CREB3L2: variants seen among roughly 807,000 people sequenced by gnomAD.
The protein encoded by CREB3L2 is cAMP responsive element binding protein 3 like 2.
A neutral mutation model predicts 57.2 loss-of-function variants in CREB3L2; 23 were observed. The observed-to-expected ratio is 0.40, with a 90% CI of 0.29 to 0.57. CREB3L2 has a LOEUF of 0.57. CREB3L2 is among the 20% of genes least tolerant of loss of function. CREB3L2 has a pLI of 0.42. For missense variants in CREB3L2, 628 were observed against 634.7 expected (o/e 0.99, Z 0.11); for synonymous variants, 268 against 265.1 (o/e 1.01, Z -0.11).
chr7:137,915,803 C>T, intron 3 of CREB3L2, 34 bp downstream of exon 3: 1 of 1,583,782 alleles, frequency 6.3e-7, no homozygotes, highest in Non-Finnish European at 8.6e-7. Context: ...ATCTTTTAAT[C>T]CAACCTGTTT....
chr7:137,920,980 A>G (rs1563252661), intron 2 of CREB3L2, among the ~76,000 whole-genome samples: 1 of 152,210 alleles, frequency 6.6e-6, no homozygotes, highest in Non-Finnish European at 1.5e-5. Flanking sequence ...ATGTATCACA[A>G]TGTTTCTCCA....
intron 1 of CREB3L2, 135 bp from the exon 2 acceptor site, chr7:137,928,501 G>T: frequency 1.4e-6 from 1 of 728,024 alleles, no homozygotes; most frequent in Non-Finnish European, 2.4e-6. Context: ...GTTAGCTCGT[G>T]CTGTGTAGCA....
At chr7:137,939,581 T>C (rs1800847875) in intron 1 of CREB3L2, among the ~76,000 whole-genome samples, 1 of 152,148 alleles carries the variant, frequency 6.6e-6, no homozygotes, top group Admixed American at 6.5e-5. Context: ...CTCTTGCCCC[T>C]TCCTTCTGCC....
intron 1 of CREB3L2, among the ~76,000 whole-genome samples, chr7:137,984,564 G>T (rs1476863418): frequency 6.6e-6 from 1 of 152,230 alleles, no homozygotes; most frequent in Admixed American, 6.5e-5. Flanking sequence ...GCTCAGGACT[G>T]CTTGGTTCAT....
chr7:137,905,064 G>A (rs1256691721), intron 6 of CREB3L2, among the ~76,000 whole-genome samples: 1 of 151,776 alleles, frequency 6.6e-6, no homozygotes, highest in Non-Finnish European at 1.5e-5. Context: ...CTAAGCTCTT[G>A]TCTTCCTTCC....
intron 5 of CREB3L2, among the ~76,000 whole-genome samples, chr7:137,907,734 G>A (rs375198182): frequency 2.8e-4 from 42 of 152,302 alleles, no homozygotes; most frequent in African/African-American, 8.7e-4. Flanking sequence ...AGGGATGAAC[G>A]AGGGGTCTTG....
intron 11 of CREB3L2, among the ~76,000 whole-genome samples, chr7:137,881,708 T>A (rs1799295874): frequency 2.0e-5 from 3 of 152,148 alleles, no homozygotes; most frequent in Admixed American, 2.0e-4. Context: ...ACCAACCATG[T>A]CACACGTAAC....
In CREB3L2 at chr7:137,991,804, A is replaced by G. The variant is rs528341135; in HGVS notation, c.102+9800T>C. Reference sequence around the variant, plus strand: ...GCACCTGTAATCCCAGCTACTCGGGAGACTGAGGCACAAGAATCACTTGAT... The same window carrying G: ...GCACCTGTAATCCCAGCTACTCGGGGGACTGAGGCACAAGAATCACTTGAT... On this transcript the variant is annotated intron_variant, in intron 1 of 11. Transcript: ENST00000330387. Among the ~76,000 whole-genome samples, 19 of 151,922 alleles carry G rather than the reference A, an allele frequency of 1.3e-4. No homozygotes were observed. The East Asian group carries it at 3.5e-3, about 28-fold the overall frequency.
At chr7:137,937,525 G>A (rs922607941) in intron 1 of CREB3L2, among the ~76,000 whole-genome samples, 1 of 152,052 alleles carries the variant, frequency 6.6e-6, no homozygotes, top group Non-Finnish European at 1.5e-5. Flanking sequence ...TGCCAACCAT[G>A]AGGAAAAAGG....
intron 1 of CREB3L2, among the ~76,000 whole-genome samples, chr7:137,965,339 AC>A (rs1801391459): frequency 6.6e-6 from 1 of 152,014 alleles, no homozygotes; most frequent in South Asian, 2.1e-4. Flanking sequence ...ATATATTTAC[AC>A]TCGTTGAGGA....
chr7:137,971,465 A>AT (rs397958453), intron 1 of CREB3L2, among the ~76,000 whole-genome samples: 55 of 150,936 alleles, frequency 3.6e-4, no homozygotes, highest in African/African-American at 1.0e-3. Context: ...AAAAAAAAAA[A>AT]TTTTGGATGG....
intron 3 of CREB3L2, 43 bp downstream of exon 3, chr7:137,915,794 T>A: frequency 6.5e-7 from 1 of 1,545,986 alleles, no homozygotes; most frequent in Non-Finnish European, 8.8e-7. Context: ...TCTATCTGTA[T>A]CTTTTAATCC....
intron 8 of CREB3L2, among the ~76,000 whole-genome samples, chr7:137,897,737 T>C (rs1426627258): frequency 6.6e-6 from 1 of 152,180 alleles, no homozygotes; most frequent in Non-Finnish European, 1.5e-5. Flanking sequence ...TTTTGTTATG[T>C]GGAAATAGTT....
intron 1 of CREB3L2, among the ~76,000 whole-genome samples, chr7:137,995,135 C>G (rs977524169): frequency 2.6e-5 from 4 of 151,972 alleles, no homozygotes; most frequent in Non-Finnish European, 5.9e-5. Flanking sequence ...TTCTTCCATT[C>G]TAAAAAAGGG....
intron 1 of CREB3L2, among the ~76,000 whole-genome samples, chr7:137,969,265 T>C (rs1161644723): frequency 6.6e-6 from 1 of 151,824 alleles, no homozygotes; most frequent in Non-Finnish European, 1.5e-5. Flanking sequence ...TGGGGACAAC[T>C]AGGGCAATTT....
rs143854280 is a variant in CREB3L2, at chr7:137,948,992, C to T, written c.103-20626G>A. The stretch of plus-strand genomic sequence containing the variant: ...TCATCAGAAATATAAAGGACATTCA[C>T]ACAAGAATGGAACAAAGTTCCAAAC... On this transcript the variant is annotated intron_variant, in intron 1 of 11. Transcript: ENST00000330387. Among the ~76,000 whole-genome samples, 309 of 152,336 alleles carry T rather than the reference C, an allele frequency of 2.0e-3. 1 individual carries two copies. The highest frequency in any genetic ancestry group is 6.7e-3 in the African/African-American group (280 of 41,572).
At chr7:137,923,798 T>C (rs1800386941) in intron 2 of CREB3L2, among the ~76,000 whole-genome samples, 1 of 152,216 alleles carries the variant, frequency 6.6e-6, no homozygotes, top group South Asian at 2.1e-4. Context: ...GTTATATACC[T>C]TTCCACTTCT....
intron 3 of CREB3L2, 125 bp from the exon 4 acceptor site, chr7:137,913,203 G>GA: frequency 1.1e-6 from 1 of 924,198 alleles, no homozygotes; most frequent in Non-Finnish European, 1.6e-6. Flanking sequence ...GAGAATAGCT[G>GA]AGTGTAGGCA....
At chr7:137,936,349 C>G (rs1800785038) in intron 1 of CREB3L2, among the ~76,000 whole-genome samples, 1 of 152,152 alleles carries the variant, frequency 6.6e-6, no homozygotes. Context: ...TGCACCAGAC[C>G]AGTTAGGGAC....
Sources: allele counts gnomAD v4.1 joint callset (sites outside exome capture counted in the v4.1 genomes callset), GRCh38; gene constraint gnomAD v4.1.1; transcripts MANE v1.5; gene names NCBI Gene and HGNC (gene_info 2026-07-23, HGNC 2026-07-21).